The following DNAH11 variants were observed in gnomAD, a reference collection of about 807,000 sequenced individuals.
DNAH11 encodes dynein axonemal heavy chain 11.
DNAH11 carries 442 observed loss-of-function variants against 526.0 expected under a neutral mutation model. That is an observed-to-expected ratio of 0.84 (90% CI 0.78 to 0.91). DNAH11 has a LOEUF of 0.91. Ranked by LOEUF, DNAH11 falls within the 40% of genes least tolerant of loss-of-function variation. DNAH11 has a pLI of 0.00. For missense variants in DNAH11, 6,989 were observed against 5,448.7 expected, an observed-to-expected ratio of 1.28 and a Z score of -8.90; for synonymous variants, 2,461 against 1,935.9, an observed-to-expected ratio of 1.27 and a Z score of -7.12.
chr7:21,884,551 C>G, intron 76 of DNAH11, 141 bp downstream of exon 76: 1 of 928,434 alleles, frequency 1.1e-6, no homozygotes, highest in Admixed American at 3.0e-5. Flanking sequence ...CTTAGAAAAG[C>G]GGAATCTCGG....
intron 30 of DNAH11, among the ~76,000 whole-genome samples, chr7:21,673,116 A>G (rs1424300945): frequency 6.6e-6 from 1 of 152,196 alleles, no homozygotes; most frequent in Non-Finnish European, 1.5e-5. Flanking sequence ...TATAAATAAG[A>G]GAATTCATAA....
rs562132706 is a variant in DNAH11 at position 21,803,306 on chromosome 7, G to T, written c.10165+2031G>T. Among the ~76,000 whole-genome samples, 643 of 152,212 alleles carry T rather than the reference G, an allele frequency of 4.2e-3. 2 individuals are homozygous for T. The highest frequency in any genetic ancestry group is 6.2e-3 in the Non-Finnish European group (424 of 68,012). ...AAATGCTAAGGCTGGACCATTATCAGTGTTGATCCTGGTGATTAGTGATCA... is the reference window on the plus strand; with the variant it reads ...AAATGCTAAGGCTGGACCATTATCATTGTTGATCCTGGTGATTAGTGATCA... On this transcript the variant is annotated intron_variant, in intron 62 of 81. Transcript: ENST00000409508.
At chr7:21,855,180 C>G (rs181774150) in intron 68 of DNAH11, among the ~76,000 whole-genome samples, 4 of 151,890 alleles carry the variant, frequency 2.6e-5, no homozygotes, top group African/African-American at 9.7e-5. Flanking sequence ...TACAGGTGTC[C>G]GCCACCACAC....
chr7:21,895,201 C>T (rs1374140766), intron 79 of DNAH11, among the ~76,000 whole-genome samples: 1 of 152,210 alleles, frequency 6.6e-6, no homozygotes. Context: ...AAGACAGGGT[C>T]AGAGCAAGAC....
At chr7:21,546,148 T>A (rs1226425716) in intron 2 of DNAH11, among the ~76,000 whole-genome samples, 1 of 152,218 alleles carries the variant, frequency 6.6e-6, no homozygotes, top group Non-Finnish European at 1.5e-5. Context: ...GCTGACATAT[T>A]TATTGCTAGT....
chr7:21,694,690 T>C (rs191411877), intron 35 of DNAH11, among the ~76,000 whole-genome samples: 1 of 152,320 alleles, frequency 6.6e-6, no homozygotes, highest in African/African-American at 2.4e-5. Context: ...AGTAGAATGA[T>C]TTATAATCCC....
intron 2 of DNAH11, among the ~76,000 whole-genome samples, chr7:21,553,782 C>T (rs894407978): frequency 4.6e-5 from 7 of 152,070 alleles, no homozygotes; most frequent in African/African-American, 1.7e-4. Context: ...TTTTGATTAC[C>T]TCTTCCACAG....
rs149669643 is a variant in DNAH11 at position 21,803,464 on chromosome 7, C to A, written c.10165+2189C>A. 2.4e-4 allele frequency among the ~76,000 whole-genome samples: 37 copies of A among 152,242 alleles called. No homozygotes were observed. In the East Asian group the frequency reaches 6.8e-3, roughly 28 times the overall value. On this transcript the variant is annotated intron_variant, in intron 62 of 81. Transcript: ENST00000409508. ...TCAAAGAGACAGTAGAGAAAGGGAA[C>A]AATCTGTATCAGCTGGGGTTTTCTC...
chr7:21,687,581 C>T, intron 34 of DNAH11, 54 bp downstream of exon 34: 2 of 1,571,278 alleles, frequency 1.3e-6, no homozygotes, highest in Non-Finnish European at 1.7e-6. Context: ...TGGAATAATG[C>T]AGGTAACCTC....
At position 21,742,152 on chromosome 7, in the gene DNAH11, T is replaced by A. The variant is rs1785934224; in HGVS notation, c.8140T>A (p.Ser2714Thr). ...FHYIFNLRDL[S>T]NVFQGILFAS... ...CTACATCTTTAATCTGAGAGATTTA[T>A]CAAACGTCTTCCAGGTACCTTGACT... The change falls in exon 49 of 82, where the codon TCA (serine) becomes ACA (threonine). Residue 2714 changes from serine to threonine, a missense_variant. Transcript: ENST00000409508. 1.2e-6 allele frequency: 2 copies of A among 1,613,822 alleles called. No individual in the cohort carries two copies. Among genetic ancestry groups the A allele is most frequent in the Non-Finnish European group, 1.7e-6 (2 of 1,179,820 alleles).
chr7:21,756,802 G>A (rs1376454119), intron 54 of DNAH11, among the ~76,000 whole-genome samples: 4 of 152,044 alleles, frequency 2.6e-5, no homozygotes, highest in Non-Finnish European at 5.9e-5. Flanking sequence ...TATTAGAATC[G>A]CCTAAAATTT....
intron 65 of DNAH11, among the ~76,000 whole-genome samples, chr7:21,836,170 A>T (rs1309749647): frequency 6.8e-6 from 1 of 147,906 alleles, no homozygotes; most frequent in African/African-American, 2.5e-5. Context: ...AACTGTCCAT[A>T]CTACCCAAAG....
intron 2 of DNAH11, among the ~76,000 whole-genome samples, chr7:21,553,070 A>ATTTTTTTTTTTT (rs35121910): frequency 1.5e-5 from 1 of 66,784 alleles, no homozygotes; most frequent in African/African-American, 7.3e-5. Flanking sequence ...TATAAATGGG[A>ATTTTTTTTTTTT]TTTTTTTTTT....
At chr7:21,575,884 T>C (rs1784074582) in intron 8 of DNAH11, among the ~76,000 whole-genome samples, 1 of 152,256 alleles carries the variant, frequency 6.6e-6, no homozygotes. Context: ...GCATTGCTCA[T>C]CTTAAAACAA....
At chr7:21,762,523 A>G (rs1315753802) in intron 54 of DNAH11, among the ~76,000 whole-genome samples, 1 of 152,222 alleles carries the variant, frequency 6.6e-6, no homozygotes, top group Non-Finnish European at 1.5e-5. Flanking sequence ...ATATTCAAGT[A>G]TAAGGAGAAA....
intron 66 of DNAH11, among the ~76,000 whole-genome samples, chr7:21,850,339 G>C (rs1304073462): frequency 7.5e-6 from 1 of 133,630 alleles, no homozygotes; most frequent in African/African-American, 2.8e-5. Flanking sequence ...CTGGGCGACA[G>C]AGGAGACTCT....
At chr7:21,820,776 A>C (rs1790018809) in intron 65 of DNAH11, among the ~76,000 whole-genome samples, 1 of 152,150 alleles carries the variant, frequency 6.6e-6, no homozygotes, top group African/African-American at 2.4e-5. Context: ...TGGTAGTACC[A>C]ATTGTTTTTA....
chr7:21,896,416 GT>G (rs1483611421), intron 79 of DNAH11, among the ~76,000 whole-genome samples: 2 of 152,082 alleles, frequency 1.3e-5, no homozygotes, highest in East Asian at 3.9e-4. Context: ...TAACTCCATG[GT>G]TTTCTAGCTT....
intron 34 of DNAH11, among the ~76,000 whole-genome samples, chr7:21,688,547 C>T (rs780028627): frequency 3.9e-5 from 6 of 152,174 alleles, no homozygotes; most frequent in Admixed American, 1.3e-4. Flanking sequence ...CCTCTCTCCT[C>T]ATCTCTGGAC....
Sources: allele counts gnomAD v4.1 joint callset (sites outside exome capture counted in the v4.1 genomes callset), GRCh38; gene constraint gnomAD v4.1.1; transcripts MANE v1.5; gene names NCBI Gene and HGNC (gene_info 2026-07-23, HGNC 2026-07-21).